The following PAFAH1B3 variants were observed in gnomAD, a reference collection of about 807,000 sequenced individuals.
PAFAH1B3 encodes the protein platelet activating factor acetylhydrolase 1b catalytic subunit 3.
PAFAH1B3 carries 15 observed loss-of-function variants against 24.4 expected under a neutral mutation model. The observed-to-expected ratio is 0.62, with a 90% CI of 0.41 to 0.95. The LOEUF is 0.95. Ranked by LOEUF, PAFAH1B3 falls within the 40% of genes least tolerant of loss-of-function variation. The probability of loss-of-function intolerance (pLI) is 0.00; values close to 1 mark genes in which losing one functional copy is unlikely to be tolerated. For missense variants in PAFAH1B3, 266 were observed against 312.2 expected (o/e 0.85, Z 1.12); for synonymous variants, 144 against 126.5 (o/e 1.14, Z -0.93).
At position 42,302,591 on chromosome 19, in the gene PAFAH1B3, G is replaced by GC. The variant is rs2038655166; in HGVS notation, c.-283_-282insG. 4.8e-6 allele frequency: 2 copies of GC among 415,854 alleles called. No homozygotes were observed. The highest frequency in any genetic ancestry group is 4.2e-5 in the Admixed American group (1 of 23,750). 25.8% of individuals were successfully genotyped at this position (415,854 alleles called of 1,614,324 possible). ...TTCCCGCTCGGGCCGCTGACTCCCA[G>GC]GCCGCGCACCCGGCACGGGGTGGGG... is the stretch of plus-strand genomic sequence containing the variant. On this transcript the variant is annotated 5_prime_UTR_variant, in exon 1 of 5. Coordinates refer to ENST00000262890, the MANE Select transcript of PAFAH1B3 (RefSeq NM_002573.4).
intron 4 of PAFAH1B3, 134 bp downstream of exon 4, chr19:42,299,832 TAGCA>T: frequency 9.0e-7 from 1 of 1,111,912 alleles, no homozygotes; most frequent in South Asian, 1.4e-5. Flanking sequence ...CTGAAGGGTA[TAGCA>T]AGCTCCAACG....
At chr19:42,302,155 G>C in intron 1 of PAFAH1B3, 77 bp downstream of exon 1, 2 of 1,495,962 alleles carry the variant, frequency 1.3e-6, no homozygotes, top group Non-Finnish European at 1.8e-6. Flanking sequence ...GGTAGTGAGA[G>C]TGGCACGAAC....
downstream of PAFAH1B3, chr19:42,297,033 C>T (rs1333868436): frequency 5.7e-6 from 9 of 1,568,662 alleles, no homozygotes; most frequent in Admixed American, 3.4e-5. Flanking sequence ...GGAAACAGCA[C>T]ACTGAGGAAG....
Position 42,302,576 on chromosome 19 carries a change from G to A in PAFAH1B3, c.-267C>T, listed in dbSNP as rs2038654568. 4.5e-6 allele frequency: 2 copies of A among 443,080 alleles called. No homozygotes were observed. The highest frequency in any genetic ancestry group is 4.1e-5 in the Admixed American group (1 of 24,364). 27.4% of individuals were successfully genotyped at this position (443,080 alleles called of 1,614,324 possible). A position where few individuals can be genotyped will look rare whatever the true frequency, so the allele number is the denominator to read the frequency against. ...GGGCTCGCCCGGCGCTTCCCGCTCG[G>A]GCCGCTGACTCCCAGGCCGCGCACC... On this transcript the variant is annotated 5_prime_UTR_variant, in exon 1 of 5. Transcript: ENST00000262890.
In PAFAH1B3 at chr19:42,300,093, C is replaced by T; in HGVS notation, c.286-1G>A. On this transcript the variant is annotated splice_acceptor_variant, in intron 3 of 4. Coordinates refer to ENST00000262890, the MANE Select transcript of PAFAH1B3 (RefSeq NM_002573.4). LOFTEE classifies it high-confidence loss of function. ...TGGTGCCCACCCAGACCACCACAATCTGTGGAAAAAGAGACATGAAGCAGC... is the reference window on the plus strand; with the variant it reads ...TGGTGCCCACCCAGACCACCACAATTTGTGGAAAAAGAGACATGAAGCAGC... 1 of 1,614,146 alleles carries T rather than the reference C, an allele frequency of 6.2e-7. No individual in the cohort carries two copies. Among genetic ancestry groups the T allele is most frequent in the Admixed American group, 1.7e-5 (1 of 60,016 alleles).
intron 4 of PAFAH1B3, among the ~76,000 whole-genome samples, 159 bp from the exon 5 acceptor site, chr19:42,297,524 T>C (rs1366871850): frequency 1.3e-5 from 2 of 151,458 alleles, no homozygotes; most frequent in Admixed American, 1.3e-4. Flanking sequence ...AAATATCACA[T>C]CCTAGCCCTC....
intron 2 of PAFAH1B3, among the ~76,000 whole-genome samples, chr19:42,300,584 C>T (rs1351757566): frequency 1.3e-5 from 2 of 152,194 alleles, no homozygotes; most frequent in Non-Finnish European, 2.9e-5. Context: ...CTGGCACTAT[C>T]TCGGCTCACT....
chr19:42,297,636 C>A (rs547132454), intron 4 of PAFAH1B3, among the ~76,000 whole-genome samples: 3 of 150,472 alleles, frequency 2.0e-5, no homozygotes, highest in Non-Finnish European at 4.4e-5. Flanking sequence ...TGCAGTGGCG[C>A]GATCTCGACT....
Position 42,300,066 on chromosome 19 carries a change from G to A in PAFAH1B3, c.312C>T (p.Asn104=), listed in dbSNP as rs1411756801. 3 of 1,614,200 alleles carry A rather than the reference G, an allele frequency of 1.9e-6. No homozygotes were observed. The highest frequency in any genetic ancestry group is 1.7e-5 in the Admixed American group (1 of 60,024). The change falls in exon 4 of 5, where the codon AAC becomes AAT. Residue 104 remains asparagine (N), a synonymous_variant. Transcript: ENST00000262890. ...CCTGCTCTGCTGTGTGTCCGTGGTT[G>A]TTGGTGCCCACCCAGACCACCACAA... ...PKIVVVWVGT[N]NHGHTAEQVT... is the part of the protein sequence containing the mutation.
At chr19:42,302,729 TA>T (rs2038658458), upstream of PAFAH1B3, 1 of 192,484 alleles carries the variant, frequency 5.2e-6, no homozygotes, top group Non-Finnish European at 1.1e-5. Context: ...GGGGAAAATC[TA>T]GCCCTCTGTC....
At chr19:42,299,119 CTTTT>C (rs530974632) in intron 4 of PAFAH1B3, among the ~76,000 whole-genome samples, 1 of 134,636 alleles carries the variant, frequency 7.4e-6, no homozygotes, top group African/African-American at 2.8e-5. Context: ...CCGCACCCGG[CTTTT>C]TTTTTTTTTT....
In PAFAH1B3 at chr19:42,300,097, G is replaced by A. The variant is rs1188946016; in HGVS notation, c.286-5C>T. On this transcript the variant is annotated splice_region_variant and splice_polypyrimidine_tract_variant and intron_variant, in intron 3 of 4. Coordinates refer to ENST00000262890, the MANE Select transcript of PAFAH1B3 (RefSeq NM_002573.4). ...GCCCACCCAGACCACCACAATCTGT[G>A]GAAAAAGAGACATGAAGCAGCGGTG... 6.2e-7 allele frequency: 1 copy of A among 1,613,970 alleles called. No homozygotes were observed. Among genetic ancestry groups the A allele is most frequent in the Non-Finnish European group, 8.5e-7 (1 of 1,180,008 alleles).
chr19:42,298,191 T>C (rs970336570), intron 4 of PAFAH1B3, among the ~76,000 whole-genome samples: 1 of 151,958 alleles, frequency 6.6e-6, no homozygotes, highest in Non-Finnish European at 1.5e-5. Context: ...AGCCAGATCC[T>C]GTCTCAAAAA....
At chr19:42,298,444 T>C (rs745420647) in intron 4 of PAFAH1B3, among the ~76,000 whole-genome samples, 9 of 152,130 alleles carry the variant, frequency 5.9e-5, no homozygotes, top group South Asian at 2.1e-4. Context: ...TGAGGCCAGA[T>C]TGCGTCACTG....
chr19:42,299,873 CTA>C, intron 4 of PAFAH1B3, 95 bp downstream of exon 4: 3 of 1,497,442 alleles, frequency 2.0e-6, no homozygotes, highest in African/African-American at 1.4e-5. Context: ...AGCCACTGCT[CTA>C]TGTCAAGCTG....
chr19:42,298,404 T>G (rs1185048461), intron 4 of PAFAH1B3, among the ~76,000 whole-genome samples: 1 of 152,092 alleles, frequency 6.6e-6, no homozygotes, highest in East Asian at 1.9e-4. Context: ...GGCAGGAGAA[T>G]CACTTGAACC....
At chr19:42,299,211 G>C (rs1017329835) in intron 4 of PAFAH1B3, among the ~76,000 whole-genome samples, 1 of 151,302 alleles carries the variant, frequency 6.6e-6, no homozygotes, top group African/African-American at 2.4e-5. Context: ...CCACCTCCTG[G>C]GTTCAAGCGA....
chr19:42,302,634 CA>C, upstream of PAFAH1B3: 3 of 346,784 alleles, frequency 8.7e-6, no homozygotes, highest in South Asian at 1.2e-4. Flanking sequence ...GAGGCGAGAC[CA>C]TCCAGCTCCC....
chr19:42,297,457 T>C (rs1599949562), intron 4 of PAFAH1B3, 92 bp from the exon 5 acceptor site: 3 of 672,856 alleles, frequency 4.5e-6, no homozygotes, highest in South Asian at 1.9e-5. Context: ...CCATGAAGTT[T>C]CCAGCTGCAG....
Sources: allele counts gnomAD v4.1 joint callset (sites outside exome capture counted in the v4.1 genomes callset), GRCh38; gene constraint gnomAD v4.1.1; transcripts MANE v1.5; gene names NCBI Gene and HGNC (gene_info 2026-07-23, HGNC 2026-07-21).